The following VPS54 variants were observed in gnomAD, a reference collection of about 807,000 sequenced individuals.
The protein encoded by VPS54 is vacuolar protein sorting-associated protein 54.
In VPS54, 45 loss-of-function variants were observed where a neutral mutation model predicts 121.5. The ratio of observed to expected loss-of-function variants is 0.37; its 90% CI spans 0.29 to 0.47. The LOEUF (loss-of-function observed/expected upper bound fraction) is 0.47. VPS54 is among the 20% of genes least tolerant of loss of function. The probability of loss-of-function intolerance (pLI) is 0.99; values close to 1 mark genes in which losing one functional copy is unlikely to be tolerated. For missense variants in VPS54, 1,090 were observed against 1,131.4 expected (o/e 0.96, Z 0.52); for synonymous variants, 371 against 385.8 (o/e 0.96, Z 0.45).
intron 12 of VPS54, among the ~76,000 whole-genome samples, chr2:63,922,933 TAAAA>T (rs555242935): frequency 1.4e-5 from 2 of 143,868 alleles, no homozygotes; most frequent in African/African-American, 2.5e-5. Context: ...CTCAAGTCCT[TAAAA>T]AAAAAAAAAG....
chr2:63,967,533 A>G (rs1161078913), intron 5 of VPS54, among the ~76,000 whole-genome samples: 1 of 151,902 alleles, frequency 6.6e-6, no homozygotes, highest in African/African-American at 2.4e-5. Context: ...AGCCTGGCCA[A>G]CGTGGCAAAA....
chr2:63,970,015 C>T (rs78458904), intron 4 of VPS54, among the ~76,000 whole-genome samples: 2 of 151,544 alleles, frequency 1.3e-5, no homozygotes, highest in Non-Finnish European at 2.9e-5. Context: ...CTGCCAATCC[C>T]AACTCAGATA....
At chr2:63,901,595 T>G (rs748919156) in intron 20 of VPS54, among the ~76,000 whole-genome samples, 1 of 151,928 alleles carries the variant, frequency 6.6e-6, no homozygotes, top group Admixed American at 6.6e-5. Flanking sequence ...CACAAGGAAA[T>G]AGAAACAAAT....
chr2:63,914,144 C>A lies in VPS54; in HGVS notation c.2334+38G>T, dbSNP rs748725980. The A allele has an allele frequency of 7.2e-6, 11 of 1,527,894 alleles. No individual in the cohort carries two copies. The South Asian group carries it at 1.3e-4, about 17-fold the overall frequency. The allele number at this position is 1,527,894 out of a possible 1,614,324, so 94.6% of individuals were successfully genotyped here. ...GTCACACCCTAATGTATTAATTCCTCGAAAAATTTTTCCATAATGGAGTGA... is the reference window on the plus strand; with the variant it reads ...GTCACACCCTAATGTATTAATTCCTAGAAAAATTTTTCCATAATGGAGTGA... On this transcript the variant is annotated intron_variant, in intron 17 of 22. Transcript: ENST00000272322.
intron 6 of VPS54, among the ~76,000 whole-genome samples, chr2:63,962,918 T>C (rs963398730): frequency 6.6e-6 from 1 of 152,170 alleles, no homozygotes; most frequent in African/African-American, 2.4e-5. Flanking sequence ...ATTTTTCTAA[T>C]TTTAACAATC....
At chr2:63,895,084 T>C (rs1002698718) in intron 22 of VPS54, among the ~76,000 whole-genome samples, 1 of 152,152 alleles carries the variant, frequency 6.6e-6, no homozygotes, top group Non-Finnish European at 1.5e-5. Flanking sequence ...TTCTGGGTAG[T>C]AGAAATATAA....
intron 12 of VPS54, among the ~76,000 whole-genome samples, chr2:63,926,548 T>C (rs1340180171): frequency 6.6e-6 from 1 of 152,128 alleles, no homozygotes; most frequent in African/African-American, 2.4e-5. Flanking sequence ...ACAGCTCTTG[T>C]CTACAGCTCC....
intron 7 of VPS54, among the ~76,000 whole-genome samples, chr2:63,951,007 C>T (rs1675215829): frequency 6.6e-6 from 1 of 152,116 alleles, no homozygotes; most frequent in Non-Finnish European, 1.5e-5. Flanking sequence ...AGATCCTTCA[C>T]TTTCCTTTTG....
Position 63,982,355 on chromosome 2 carries a change from C to T in VPS54, c.137-468G>A, listed in dbSNP as rs142056433. Among the ~76,000 whole-genome samples the T allele has an allele frequency of 1.1e-4, 17 of 152,152 alleles. No individual in the cohort carries two copies. In the East Asian group the frequency reaches 3.1e-3, roughly 28 times the overall value. On this transcript the variant is annotated intron_variant, in intron 2 of 22. Coordinates refer to ENST00000272322, the MANE Select transcript of VPS54 (RefSeq NM_016516.3). ...TTATAATTAGGTGACATAAATGTTG[C>T]TGTGGCATTAACCATACAAGAAGGA...
In VPS54 at chr2:63,991,040, G is replaced by A. The variant is rs557623631; in HGVS notation, c.-20-7021C>T. Among the ~76,000 whole-genome samples, 9 of 152,136 alleles carry A rather than the reference G, an allele frequency of 5.9e-5. No homozygotes were observed. The East Asian group carries it at 9.7e-4, about 16-fold the overall frequency. On this transcript the variant is annotated intron_variant, in intron 1 of 22. Transcript: ENST00000272322. The stretch of plus-strand genomic sequence containing the variant: ...GCCCATCTGCAGGCTCAGCTAAATC[G>A]GACTAATAGTATTCTAATTACTCAG...
chr2:63,952,288 ACCT>A (rs905640779), intron 7 of VPS54, among the ~76,000 whole-genome samples: 1 of 152,162 alleles, frequency 6.6e-6, no homozygotes, highest in Admixed American at 6.6e-5. Context: ...AGCCTAGATA[ACCT>A]AGTTGGTCCA....
chr2:63,993,442 C>T (rs959699963), intron 1 of VPS54, among the ~76,000 whole-genome samples: 3 of 152,076 alleles, frequency 2.0e-5, no homozygotes, highest in Non-Finnish European at 2.9e-5. Context: ...TTCTGGTTTT[C>T]GCCTCATTGC....
chr2:63,958,561 A>T (rs1009052730), intron 7 of VPS54, among the ~76,000 whole-genome samples: 4 of 152,212 alleles, frequency 2.6e-5, no homozygotes, highest in African/African-American at 4.8e-5. Flanking sequence ...AAAAAAATTT[A>T]AAAATTAGCC....
At chr2:63,905,847 G>A (rs1364367817) in intron 20 of VPS54, among the ~76,000 whole-genome samples, 1 of 151,888 alleles carries the variant, frequency 6.6e-6, no homozygotes, top group Non-Finnish European at 1.5e-5. Context: ...AATCAATGAA[G>A]GTAATTCACC....
In VPS54 at chr2:63,893,337, T is replaced by A; in HGVS notation, c.*93A>T. 1 of 1,126,480 alleles carries A rather than the reference T, an allele frequency of 8.9e-7. No homozygotes were observed. The highest frequency in any genetic ancestry group is 1.4e-6 in the Non-Finnish European group (1 of 735,810). 69.8% of individuals were successfully genotyped at this position (1,126,480 alleles called of 1,614,324 possible). On this transcript the variant is annotated 3_prime_UTR_variant, in exon 23 of 23. Transcript: ENST00000272322. ...CCCCCACCCCAGTTCACTTTGGGTT[T>A]CAGGTTCAATTCTCGAATCACAGGC...
At position 63,913,334 on chromosome 2, in the gene VPS54, C is replaced by A. The variant is rs550262059; in HGVS notation, c.2335-24G>T. 54 of 1,574,590 alleles carry A rather than the reference C, an allele frequency of 3.4e-5. 1 individual carries two copies. Among genetic ancestry groups the A allele is most frequent in the Admixed American group, 1.3e-4 (7 of 55,168 alleles). On this transcript the variant is annotated intron_variant, in intron 17 of 22. Coordinates refer to ENST00000272322, the MANE Select transcript of VPS54 (RefSeq NM_016516.3). ...TACTAACAAAAGAAGGAGAAAAAAA[C>A]CCCAAAATTTACTAAAAACTGTTCT...
chr2:63,921,305 T>C lies in VPS54; in HGVS notation c.1770A>G (p.Ser590=), dbSNP rs373301869. The change falls in exon 13 of 23, where the codon TCA becomes TCG. Residue 590 remains serine (S), a synonymous_variant. Coordinates refer to ENST00000272322, the MANE Select transcript of VPS54 (RefSeq NM_016516.3). Reference sequence around the variant, plus strand: ...TATTATTTGCCAGCTTTCCTAGCTCTGAGTCAGTTAATTTCATATCTTCAC... The same window carrying C: ...TATTATTTGCCAGCTTTCCTAGCTCCGAGTCAGTTAATTTCATATCTTCAC... ...MVSEDMKLTD[S]ELGKLANNIQ... 370 of 1,612,874 alleles carry C rather than the reference T, an allele frequency of 2.3e-4. No homozygotes were observed. Among genetic ancestry groups the C allele is most frequent in the Non-Finnish European group, 3.1e-4 (360 of 1,179,406 alleles).
At chr2:63,974,878 C>G (rs1428644599) in intron 3 of VPS54, 2 of 1,223,228 alleles carry the variant, frequency 1.6e-6, no homozygotes, top group East Asian at 5.3e-5. Context: ...CATCTGGAAA[C>G]AGTTTTACTT....
At chr2:63,903,847 G>C in intron 20 of VPS54, among the ~76,000 whole-genome samples, 1 of 151,934 alleles carries the variant, frequency 6.6e-6, no homozygotes. Context: ...ATCAGTCAAA[G>C]AACAGAAGGA....
Sources: allele counts gnomAD v4.1 joint callset (sites outside exome capture counted in the v4.1 genomes callset), GRCh38; gene constraint gnomAD v4.1.1; transcripts MANE v1.5; gene names NCBI Gene and HGNC (gene_info 2026-07-23, HGNC 2026-07-21).